The following GSG1L variants were observed in gnomAD, a reference collection of about 807,000 sequenced individuals.
GSG1L encodes the protein germ cell-specific gene 1-like protein.
A neutral mutation model predicts 42.1 loss-of-function variants in GSG1L; 24 were observed. The observed-to-expected ratio is 0.57, with a 90% confidence interval of 0.41 to 0.80. The LOEUF is 0.80. Among genes scored for constraint, GSG1L ranks in the 30% least tolerant of loss-of-function variants. The pLI, the probability that GSG1L is intolerant of heterozygous loss-of-function variation, is 0.00. For missense variants in GSG1L, 445 were observed against 472.2 expected, an observed-to-expected ratio of 0.94 and a Z score of 0.53; for synonymous variants, 215 against 203.5, an observed-to-expected ratio of 1.06 and a Z score of -0.48.
At chr16:28,057,613 C>T (rs1025694438) in intron 1 of GSG1L, among the ~76,000 whole-genome samples, 1 of 152,234 alleles carries the variant, frequency 6.6e-6, no homozygotes, top group African/African-American at 2.4e-5. Flanking sequence ...CCAAACAAAA[C>T]AGATACACGG....
intron 4 of GSG1L, among the ~76,000 whole-genome samples, chr16:27,844,006 G>C (rs1282992003): frequency 6.6e-6 from 1 of 152,176 alleles, no homozygotes; most frequent in African/African-American, 2.4e-5. Context: ...TAAACATGTG[G>C]AGGGTGCCAA....
At chr16:27,958,500 G>A (rs1225498857) in intron 2 of GSG1L, among the ~76,000 whole-genome samples, 3 of 151,618 alleles carry the variant, frequency 2.0e-5, no homozygotes, top group Admixed American at 6.6e-5. Flanking sequence ...CAAGTTCTAT[G>A]TACTGACATG....
intron 1 of GSG1L, among the ~76,000 whole-genome samples, chr16:28,011,854 T>G (rs2085722956): frequency 1.3e-5 from 2 of 152,204 alleles, no homozygotes; most frequent in Non-Finnish European, 1.5e-5. Flanking sequence ...GGTATTTGGC[T>G]CAGCAGTTGG....
At chr16:27,865,034 G>C (rs1367337383) in intron 3 of GSG1L, among the ~76,000 whole-genome samples, 1 of 152,214 alleles carries the variant, frequency 6.6e-6, no homozygotes, top group Non-Finnish European at 1.5e-5. Context: ...GTGCTGTGAG[G>C]TCCCCTTAGA....
chr16:27,870,449 C>T (rs1304648472), intron 3 of GSG1L, among the ~76,000 whole-genome samples: 1 of 151,268 alleles, frequency 6.6e-6, no homozygotes, highest in Non-Finnish European at 1.5e-5. Flanking sequence ...ATCTCTCTCT[C>T]TCTGTGTTCT....
chr16:27,802,357 CT>C (rs1446033286), intron 6 of GSG1L, among the ~76,000 whole-genome samples: 1 of 152,218 alleles, frequency 6.6e-6, no homozygotes, highest in Non-Finnish European at 1.5e-5. Flanking sequence ...CCACATTCCC[CT>C]GACCCCTCCC....
At chr16:27,887,596 T>A (rs1172738097) in intron 2 of GSG1L, among the ~76,000 whole-genome samples, 2 of 152,202 alleles carry the variant, frequency 1.3e-5, no homozygotes, top group African/African-American at 4.8e-5. Context: ...TTGCACAAGT[T>A]GTTCCTTCCA....
In GSG1L at chr16:27,884,662, CGTG is replaced by C; in HGVS notation, c.398-27_398-25del. The C allele has an allele frequency of 6.4e-7, 1 of 1,556,764 alleles. No homozygotes were observed. The highest frequency in any genetic ancestry group is 8.7e-7 in the Non-Finnish European group (1 of 1,149,684). On this transcript the variant is annotated intron_variant, in intron 2 of 6. Transcript: ENST00000447459. This position sits in a 1 kb window ranked among gnomAD's most constrained non-coding sequence, Gnocchi z 4.4. ...CCCTGTCCAACAGAGGCAGAGAGGCCGTGAGATGAGGGGCCACCCAAGATAGAC... is the reference window on the plus strand; with the variant it reads ...CCCTGTCCAACAGAGGCAGAGAGGCCAGATGAGGGGCCACCCAAGATAGAC...
At chr16:27,957,817 T>C (rs72784139) in intron 2 of GSG1L, among the ~76,000 whole-genome samples, 17,205 of 152,184 alleles carry the variant, frequency 0.11, 1,208 homozygotes, top group East Asian at 0.24. Flanking sequence ...TCTGCTTGGC[T>C]TCTGGTGAGG....
intron 3 of GSG1L, among the ~76,000 whole-genome samples, chr16:27,872,531 G>T: frequency 6.6e-6 from 1 of 152,156 alleles, no homozygotes; most frequent in East Asian, 1.9e-4. Flanking sequence ...ATGAGGCTGA[G>T]ACCTACTGGG....
At chr16:27,889,055 T>C (rs1009865460) in intron 2 of GSG1L, among the ~76,000 whole-genome samples, 1 of 151,982 alleles carries the variant, frequency 6.6e-6, no homozygotes, top group Admixed American at 6.6e-5. Flanking sequence ...ATGATCATAG[T>C]TCACTGCAGC....
At chr16:27,902,458 G>T (rs1296861649) in intron 2 of GSG1L, among the ~76,000 whole-genome samples, 1 of 152,130 alleles carries the variant, frequency 6.6e-6, no homozygotes, top group Non-Finnish European at 1.5e-5. Context: ...GGGGAATCTG[G>T]CTTCAGGAGG....
intron 1 of GSG1L, among the ~76,000 whole-genome samples, chr16:28,017,372 T>G (rs959617483): frequency 2.6e-5 from 4 of 152,194 alleles, no homozygotes; most frequent in African/African-American, 9.7e-5. Flanking sequence ...CACTACTGTG[T>G]GAGGATAAGT....
intron 5 of GSG1L, among the ~76,000 whole-genome samples, chr16:27,821,772 C>T (rs563737192): frequency 6.6e-5 from 10 of 152,074 alleles, no homozygotes; most frequent in Middle Eastern, 3.4e-3. Flanking sequence ...TGCGTGGTGG[C>T]GGGCACCTGT....
chr16:27,863,738 T>C (rs948014048), intron 3 of GSG1L, among the ~76,000 whole-genome samples: 5 of 152,214 alleles, frequency 3.3e-5, no homozygotes, highest in South Asian at 4.1e-4. Flanking sequence ...AAGTTCCTTA[T>C]ACTGGGCCAG....
intron 3 of GSG1L, among the ~76,000 whole-genome samples, chr16:27,846,681 A>G (rs1236506415): frequency 2.0e-5 from 3 of 152,194 alleles, no homozygotes; most frequent in African/African-American, 7.2e-5. Flanking sequence ...CTGGCCGGGC[A>G]CGGTGGCTCA....
chr16:27,954,583 G>A (rs56896457), intron 2 of GSG1L, among the ~76,000 whole-genome samples: 18,774 of 152,138 alleles, frequency 0.12, 1,306 homozygotes, highest in East Asian at 0.24. Context: ...TTCCTCTTGC[G>A]GGAAACTGAT....
chr16:27,900,116 C>T (rs779237578), intron 2 of GSG1L, among the ~76,000 whole-genome samples: 1 of 152,204 alleles, frequency 6.6e-6, no homozygotes, highest in Non-Finnish European at 1.5e-5. Context: ...GCAGTGACTG[C>T]ACAAACCCAG....
chr16:27,981,837 T>C (rs577741755), intron 1 of GSG1L, among the ~76,000 whole-genome samples: 1 of 152,354 alleles, frequency 6.6e-6, no homozygotes, highest in Non-Finnish European at 1.5e-5. Flanking sequence ...TAAATGCTTA[T>C]CTAAAATTAG....
Sources: gnomAD v4.1 joint callset for allele counts (sites outside exome capture counted in the v4.1 genomes callset) on GRCh38, gnomAD v4.1.1 for gene constraint, Gnocchi (gnomAD v3.1) non-coding constraint, MANE v1.5 for transcripts, NCBI Gene and HGNC (gene_info 2026-07-23, HGNC 2026-07-21) for gene names.